The following ABCA6 variants were observed in gnomAD, a reference collection of about 807,000 sequenced individuals.
The protein encoded by ABCA6 is ATP-binding cassette sub-family A member 6.
ABCA6 carries 164 observed loss-of-function variants against 191.2 expected under a neutral mutation model. The observed-to-expected ratio is 0.86, with a 90% confidence interval of 0.76 to 0.98. ABCA6 has a LOEUF of 0.98. Among genes scored for constraint, ABCA6 ranks in the 50% least tolerant of loss-of-function variants. The pLI, the probability that ABCA6 is intolerant of heterozygous loss-of-function variation, is 0.00. For missense variants in ABCA6, 1,958 were observed against 1,894.1 expected, an observed-to-expected ratio of 1.03 and a Z score of -0.63; for synonymous variants, 636 against 647.7, an observed-to-expected ratio of 0.98 and a Z score of 0.27.
intron 22 of ABCA6, among the ~76,000 whole-genome samples, chr17:69,099,953 T>C (rs544024816): frequency 3.9e-5 from 6 of 152,130 alleles, no homozygotes; most frequent in Admixed American, 3.3e-4. Context: ...TCATTTCTAA[T>C]CCTGCTTCTT....
At chr17:69,114,638 A>G (rs979583111) in intron 13 of ABCA6, 124 bp downstream of exon 13, 41 of 898,250 alleles carry the variant, frequency 4.6e-5, no homozygotes, top group Non-Finnish European at 6.8e-5. Flanking sequence ...GATATTTGTT[A>G]TGGGACCTCT....
At chr17:69,119,954 T>G (rs1245519921) in intron 10 of ABCA6, among the ~76,000 whole-genome samples, 1 of 152,108 alleles carries the variant, frequency 6.6e-6, no homozygotes, top group Non-Finnish European at 1.5e-5. Context: ...AGCCCATAGT[T>G]ATCACTATGA....
chr17:69,140,194 C>A (rs1680457895), intron 2 of ABCA6, among the ~76,000 whole-genome samples: 1 of 152,126 alleles, frequency 6.6e-6, no homozygotes, highest in African/African-American at 2.4e-5. Context: ...CTGCTTGATG[C>A]AAACTGACTT....
chr17:69,140,526 A>G, intron 2 of ABCA6, 82 bp downstream of exon 2: 1 of 737,236 alleles, frequency 1.4e-6, no homozygotes, highest in Non-Finnish European at 2.1e-6. Flanking sequence ...TCTACTAATT[A>G]AAAGAGAACA....
chr17:69,125,140 T>C lies in ABCA6; in HGVS notation c.1120-105A>G, dbSNP rs2073726572. On this transcript the variant is annotated intron_variant, in intron 8 of 38. Transcript: ENST00000284425. Reference sequence around the variant, plus strand: ...TTAACTAGCTTTTTCAAGAGGCACTTAGTAGTTACTAGTCAAATATATAAA... The same window carrying C: ...TTAACTAGCTTTTTCAAGAGGCACTCAGTAGTTACTAGTCAAATATATAAA... 2.2e-5 allele frequency: 10 copies of C among 444,644 alleles called. No homozygotes were observed. The Admixed American group carries it at 4.0e-4, about 18-fold the overall frequency. The allele number at this position is 444,644 out of a possible 1,614,324, so 27.5% of individuals were successfully genotyped here.
chr17:69,114,335 G>A (rs1355965859), intron 13 of ABCA6, among the ~76,000 whole-genome samples: 1 of 147,602 alleles, frequency 6.8e-6, no homozygotes, highest in Non-Finnish European at 1.5e-5. Context: ...AACACCGCAT[G>A]TTCTCACTCA....
intron 9 of ABCA6, among the ~76,000 whole-genome samples, chr17:69,124,377 C>T (rs576981804): frequency 4.6e-5 from 7 of 151,952 alleles, no homozygotes; most frequent in South Asian, 2.1e-4. Flanking sequence ...TCTGGGCTTA[C>T]GTGACATTTT....
intron 25 of ABCA6, 74 bp downstream of exon 25, chr17:69,096,166 C>G: frequency 1.5e-6 from 1 of 652,874 alleles, no homozygotes; most frequent in Non-Finnish European, 2.3e-6. Flanking sequence ...TTAAGGCAGA[C>G]ATCTGTATTT....
At chr17:69,089,673 G>A (rs1471173360) in intron 26 of ABCA6, 131 bp from the exon 27 acceptor site, 1 of 695,910 alleles carries the variant, frequency 1.4e-6, no homozygotes, top group Non-Finnish European at 2.3e-6. Context: ...GTGCACTAGT[G>A]ACAAAGTAAT....
intron 11 of ABCA6, 50 bp from the exon 12 acceptor site, chr17:69,115,536 G>A: frequency 7.1e-7 from 1 of 1,416,854 alleles, no homozygotes. Flanking sequence ...TAAACAGAAA[G>A]GCATTAGACA....
intron 2 of ABCA6, among the ~76,000 whole-genome samples, chr17:69,139,714 T>C (rs1466289884): frequency 6.6e-6 from 1 of 152,040 alleles, no homozygotes; most frequent in Non-Finnish European, 1.5e-5. Flanking sequence ...CCGACAATGA[T>C]AGACTGGATT....
intron 36 of ABCA6, among the ~76,000 whole-genome samples, chr17:69,081,653 G>A (rs9895065): frequency 0.015 from 2,312 of 152,304 alleles, 44 homozygotes; most frequent in African/African-American, 0.052. Context: ...GGAGATGGAG[G>A]TTGATATTGG....
At chr17:69,120,469 CTATT>C (rs2073620368) in intron 10 of ABCA6, among the ~76,000 whole-genome samples, 2 of 151,894 alleles carry the variant, frequency 1.3e-5, no homozygotes, top group South Asian at 4.1e-4. Flanking sequence ...TTTCATGTAC[CTATT>C]TATTTTGTTC....
intron 13 of ABCA6, 41 bp from the exon 14 acceptor site, chr17:69,113,778 G>A (rs1279221268): frequency 1.3e-6 from 2 of 1,574,020 alleles, no homozygotes; most frequent in Non-Finnish European, 1.7e-6. Context: ...CCAAAATGAA[G>A]AAGACATTTA....
At chr17:69,136,404 A>G (rs1375187598) in intron 3 of ABCA6, among the ~76,000 whole-genome samples, 154 bp from the exon 4 acceptor site, 1 of 152,172 alleles carries the variant, frequency 6.6e-6, no homozygotes, top group Non-Finnish European at 1.5e-5. Flanking sequence ...CAAGGGGGGA[A>G]ATTTAATGGT....
At chr17:69,090,743 G>A (rs1343640376) in intron 26 of ABCA6, among the ~76,000 whole-genome samples, 1 of 152,160 alleles carries the variant, frequency 6.6e-6, no homozygotes, top group Non-Finnish European at 1.5e-5. Flanking sequence ...GAATGGAATC[G>A]CATATGAGTT....
At chr17:69,105,732 T>C (rs1055258801) in intron 19 of ABCA6, 104 bp from the exon 20 acceptor site, 62 of 931,652 alleles carry the variant, frequency 6.7e-5, no homozygotes, top group Non-Finnish European at 9.0e-5. Flanking sequence ...CTTATGCCAA[T>C]CATGATTCTA....
chr17:69,098,775 C>T (rs947007438), intron 22 of ABCA6, among the ~76,000 whole-genome samples: 1 of 151,282 alleles, frequency 6.6e-6, no homozygotes, highest in African/African-American at 2.4e-5. Flanking sequence ...TTCATAGAAA[C>T]ATAATAGGAT....
chr17:69,084,718 C>G (rs1055761348), intron 32 of ABCA6, among the ~76,000 whole-genome samples: 8 of 149,352 alleles, frequency 5.4e-5, no homozygotes, highest in Non-Finnish European at 8.9e-5. Flanking sequence ...AACTAGAATT[C>G]TGAATGAGAA....
Sources: gnomAD v4.1 joint callset for allele counts (sites outside exome capture counted in the v4.1 genomes callset) on GRCh38, gnomAD v4.1.1 for gene constraint, MANE v1.5 for transcripts, NCBI Gene and HGNC (gene_info 2026-07-23, HGNC 2026-07-21) for gene names.